ADCY7: variants seen among roughly 807,000 people sequenced by gnomAD.
The protein encoded by ADCY7 is adenylate cyclase type 7.
A neutral mutation model predicts 120.6 loss-of-function variants in ADCY7; 72 were observed. That is an observed-to-expected ratio of 0.60 (90% CI 0.49 to 0.73). The LOEUF (loss-of-function observed/expected upper bound fraction) is 0.73. Among genes scored for constraint, ADCY7 ranks in the 30% least tolerant of loss-of-function variants. The probability of loss-of-function intolerance (pLI) is 0.00; values close to 1 mark genes in which losing one functional copy is unlikely to be tolerated. For missense variants in ADCY7, 1,227 were observed against 1,486.0 expected, an observed-to-expected ratio of 0.83 and a Z score of 2.87; for synonymous variants, 661 against 628.0, an observed-to-expected ratio of 1.05 and a Z score of -0.78.
At chr16:50,304,818 C>T (rs1787633217) in intron 11 of ADCY7, 107 bp from the exon 12 acceptor site, 2 of 1,481,686 alleles carry the variant, frequency 1.3e-6, no homozygotes, top group Non-Finnish European at 1.9e-6. Context: ...ACCCCGACAC[C>T]TTGTCCTGTG....
chr16:50,278,392 T>G (rs2150883158), intron 1 of ADCY7, among the ~76,000 whole-genome samples: 1 of 152,266 alleles, frequency 6.6e-6, no homozygotes, highest in South Asian at 2.1e-4. Context: ...AACTTTCTCT[T>G]CCTAGTCTTC....
intron 17 of ADCY7, chr16:50,309,233 GT>G: frequency 7.9e-6 from 3 of 380,558 alleles, no homozygotes; most frequent in South Asian, 4.3e-5. Context: ...CGGACCCTGG[GT>G]TTTTGGAATG....
Position 50,310,348 on chromosome 16 carries a change from A to C in ADCY7, c.2161-339A>C, listed in dbSNP as rs201399076. On this transcript the variant is annotated intron_variant, in intron 18 of 25. Transcript: ENST00000673801. The stretch of plus-strand genomic sequence containing the variant: ...GGGGAGCCACAGCACAATCTTGAGC[A>C]GGGCAGAGGTCCTTTGGGAGGGTAA... 1.4e-4 allele frequency: 139 copies of C among 960,956 alleles called. 1 individual carries two copies. The East Asian group carries it at 2.8e-3, about 19-fold the overall frequency. The allele number at this position is 960,956 out of a possible 1,614,324, so 59.5% of individuals were successfully genotyped here.
intron 7 of ADCY7, among the ~76,000 whole-genome samples, chr16:50,298,365 G>A (rs2035493403): frequency 6.6e-6 from 1 of 152,116 alleles, no homozygotes; most frequent in South Asian, 2.1e-4. Context: ...GTTCCTCGGG[G>A]TCTTAGCTCA....
chr16:50,261,210 C>T (rs2033049134), intron 1 of ADCY7, among the ~76,000 whole-genome samples: 1 of 152,212 alleles, frequency 6.6e-6, no homozygotes, highest in Non-Finnish European at 1.5e-5. Flanking sequence ...CAAAAGTGGA[C>T]ATGACATCCT....
chr16:50,267,651 G>C (rs1855778110), intron 1 of ADCY7, among the ~76,000 whole-genome samples: 1 of 152,168 alleles, frequency 6.6e-6, no homozygotes, highest in Non-Finnish European at 1.5e-5. Context: ...GCTGCCCAGG[G>C]AATCACAGGG....
chr16:50,315,039 T>G lies in ADCY7; in HGVS notation c.2997T>G (p.Ala999=), dbSNP rs143122317. Residue 999 remains alanine, a synonymous_variant, in exon 25 of 26, where the codon GCT becomes GCG. Transcript: ENST00000673801. The stretch of plus-strand genomic sequence containing the variant: ...GCATAAACCATGGGCCTGTGATTGC[T>G]GGAGTGATTGGGGCCCGAAAACCTC... ...RVGINHGPVI[A]GVIGARKPQY... 6.8e-6 allele frequency: 11 copies of G among 1,614,124 alleles called. No homozygotes were observed. In the African/African-American group the frequency reaches 1.5e-4, roughly 22 times the overall value.
chr16:50,313,534 C>T (rs534921622), intron 22 of ADCY7: 28 of 192,664 alleles, frequency 1.5e-4, no homozygotes, highest in East Asian at 8.3e-4. Context: ...GCAAATAATT[C>T]GTTGGCATCT....
chr16:50,261,241 T>C (rs894208116), intron 1 of ADCY7, among the ~76,000 whole-genome samples: 2 of 152,116 alleles, frequency 1.3e-5, no homozygotes, highest in African/African-American at 2.4e-5. Context: ...GTCTATGGCA[T>C]TGTGGCCTAG....
At chr16:50,250,456 CA>C (rs34443362) in intron 1 of ADCY7, among the ~76,000 whole-genome samples, 20,942 of 69,050 alleles carry the variant, frequency 0.3, 1,441 homozygotes, top group African/African-American at 0.37. Flanking sequence ...GACTCTATCT[CA>C]AAAAAAAAAA....
intron 1 of ADCY7, among the ~76,000 whole-genome samples, chr16:50,274,395 T>C (rs1380968259): frequency 5.5e-5 from 6 of 108,818 alleles, no homozygotes; most frequent in African/African-American, 2.1e-4. Context: ...GGGACAGCCA[T>C]GGCGAGGGCT....
rs2035680434 is a variant in ADCY7, at chr16:50,301,000, C to T, written c.1236-82C>T. On this transcript the variant is annotated intron_variant, in intron 9 of 25. Coordinates refer to ENST00000673801, the MANE Select transcript of ADCY7 (RefSeq NM_001114.5). Reference sequence around the variant, plus strand: ...AATGTAGAAAAGCTGGCCTGGGGCCCAGGCCTGCCTGCTGTGCATCCCTGG... The same window carrying T: ...AATGTAGAAAAGCTGGCCTGGGGCCTAGGCCTGCCTGCTGTGCATCCCTGG... 1.2e-5 allele frequency: 18 copies of T among 1,560,496 alleles called. No individual in the cohort carries two copies. The South Asian group carries it at 1.8e-4, about 15-fold the overall frequency.
intron 4 of ADCY7, 85 bp downstream of exon 4, chr16:50,291,982 AC>A: frequency 7.0e-7 from 1 of 1,426,646 alleles, no homozygotes; most frequent in Non-Finnish European, 9.4e-7. Flanking sequence ...GGTGAATCAG[AC>A]CCGAAGGCCC....
chr16:50,262,442 C>T (rs1362716498), upstream of ADCY7, among the ~76,000 whole-genome samples: 1 of 151,980 alleles, frequency 6.6e-6, no homozygotes, highest in Non-Finnish European at 1.5e-5. Flanking sequence ...TTCCTCCCAC[C>T]TCAGCCTCCT....
At chr16:50,290,361 A>C in intron 2 of ADCY7, 96 bp from the exon 3 acceptor site, 1 of 1,329,334 alleles carries the variant, frequency 7.5e-7, no homozygotes, top group Non-Finnish European at 1.1e-6. Context: ...ACGTGGAGGA[A>C]GCTGTAAGTG....
chr16:50,256,290 C>T (rs2032916443), intron 1 of ADCY7, among the ~76,000 whole-genome samples: 1 of 152,128 alleles, frequency 6.6e-6, no homozygotes, highest in South Asian at 2.1e-4. Context: ...TTCAAAAGAA[C>T]CCATGCAAAT....
intron 1 of ADCY7, among the ~76,000 whole-genome samples, chr16:50,248,471 T>G (rs2032656741): frequency 6.6e-6 from 1 of 152,244 alleles, no homozygotes; most frequent in Admixed American, 6.5e-5. Context: ...ACCAAGTGGA[T>G]GCACTTTGAC....
At chr16:50,250,212 C>G (rs1032350203) in intron 1 of ADCY7, among the ~76,000 whole-genome samples, 2 of 152,086 alleles carry the variant, frequency 1.3e-5, no homozygotes, top group East Asian at 1.9e-4. Context: ...TTCCAGCACA[C>G]TGGGAGGCCG....
chr16:50,284,073 C>T (rs1435712881), intron 1 of ADCY7, among the ~76,000 whole-genome samples: 1 of 152,174 alleles, frequency 6.6e-6, no homozygotes, highest in Non-Finnish European at 1.5e-5. Context: ...GGTGATTGGA[C>T]AGGAGGCCTT....
Sources: allele counts gnomAD v4.1 joint callset (sites outside exome capture counted in the v4.1 genomes callset), GRCh38; gene constraint gnomAD v4.1.1; transcripts MANE v1.5; gene names NCBI Gene and HGNC (gene_info 2026-07-23, HGNC 2026-07-21).